Variants in MAST4 observed in about 807,000 individuals in gnomAD.
MAST4 encodes microtubule-associated serine/threonine-protein kinase 4.
Under a neutral mutation model 162.7 loss-of-function variants are expected in MAST4, and 89 were observed. The ratio of observed to expected loss-of-function variants is 0.55; its 90% CI spans 0.46 to 0.65. The LOEUF (loss-of-function observed/expected upper bound fraction) is 0.65. Ranked by LOEUF, MAST4 falls within the 30% of genes least tolerant of loss-of-function variation. The probability of loss-of-function intolerance (pLI) is 0.00; values close to 1 mark genes in which losing one functional copy is unlikely to be tolerated. For synonymous variants in MAST4, 1,479 were observed against 1,361.1 expected (o/e 1.09, Z -1.91); for missense variants, 3,153 against 3,374.0 (o/e 0.93, Z 1.62).
At chr5:66,910,456 C>T (rs567232177) in intron 4 of MAST4, among the ~76,000 whole-genome samples, 1 of 152,218 alleles carries the variant, frequency 6.6e-6, no homozygotes, top group Admixed American at 6.5e-5. Flanking sequence ...CAAGTTGGGC[C>T]CTGGTAGCTC....
intron 3 of MAST4, among the ~76,000 whole-genome samples, chr5:66,864,168 C>T (rs535299952): frequency 9.9e-5 from 15 of 151,850 alleles, no homozygotes; most frequent in Admixed American, 5.3e-4. Context: ...CATACATATA[C>T]AGTATTATGT....
At chr5:66,945,416 T>C (rs1743903538) in intron 4 of MAST4, among the ~76,000 whole-genome samples, 1 of 152,148 alleles carries the variant, frequency 6.6e-6, no homozygotes, top group Admixed American at 6.6e-5. Context: ...AAGTCCTCAG[T>C]TGGCTCCACA....
At chr5:66,640,831 T>C (rs1745446206) in intron 1 of MAST4, among the ~76,000 whole-genome samples, 1 of 152,168 alleles carries the variant, frequency 6.6e-6, no homozygotes, top group South Asian at 2.1e-4. Context: ...ATGGCTGTAC[T>C]TTACAGTCCA....
chr5:66,842,239 G>A (rs961685175), intron 3 of MAST4, among the ~76,000 whole-genome samples: 1 of 152,164 alleles, frequency 6.6e-6, no homozygotes, highest in Non-Finnish European at 1.5e-5. Context: ...CAGCATTAGA[G>A]GGCATGGTGA....
intron 1 of MAST4, among the ~76,000 whole-genome samples, chr5:66,695,307 C>T (rs193106366): frequency 1.0e-3 from 159 of 152,196 alleles, no homozygotes; most frequent in African/African-American, 1.9e-3. Context: ...TCAGGTTTGC[C>T]GAAGATCGGA....
chr5:66,622,420 C>CT (rs35612725), intron 1 of MAST4, among the ~76,000 whole-genome samples: 54,295 of 141,586 alleles, frequency 0.38, 10,676 homozygotes, highest in African/African-American at 0.47. Context: ...CCTTGTAAGG[C>CT]TTTTTTTTTT....
chr5:66,720,942 C>G (rs1307918817), intron 1 of MAST4, among the ~76,000 whole-genome samples: 1 of 152,116 alleles, frequency 6.6e-6, no homozygotes, highest in African/African-American at 2.4e-5. Flanking sequence ...CTCCCCCATC[C>G]CATTTCAGCA....
At chr5:66,752,783 C>T (rs540468140) in intron 1 of MAST4, among the ~76,000 whole-genome samples, 1 of 149,870 alleles carries the variant, frequency 6.7e-6, no homozygotes, top group East Asian at 2.0e-4. Flanking sequence ...CTCAGCTCTG[C>T]ACCAAGCGGA....
Position 66,710,526 on chromosome 5 carries a change from C to T in MAST4, c.364-49183C>T, listed in dbSNP as rs551854429. ...ACATCTTCCGTAGCCCAGGGAATTC[C>T]CTGGACTTGGCCACTAAATTCTTAT... On this transcript the variant is annotated intron_variant, in intron 1 of 28. Transcript: ENST00000403625. Among the ~76,000 whole-genome samples the T allele has an allele frequency of 6.6e-5, 10 of 152,206 alleles. No homozygotes were observed. The South Asian group carries it at 1.5e-3, about 22-fold the overall frequency.
chr5:67,055,694 A>G (rs1176360040), intron 5 of MAST4, among the ~76,000 whole-genome samples: 2 of 152,214 alleles, frequency 1.3e-5, no homozygotes, highest in African/African-American at 4.8e-5. Context: ...TTCCCAGGTA[A>G]AACCTTAGAG....
chr5:66,724,155 TTTC>T (rs1410555696), intron 1 of MAST4, among the ~76,000 whole-genome samples: 2 of 152,206 alleles, frequency 1.3e-5, no homozygotes, highest in African/African-American at 4.8e-5. Flanking sequence ...AGGTATTAAT[TTTC>T]TTCCTAGCAG....
At chr5:66,646,495 C>T (rs1161364132) in intron 1 of MAST4, among the ~76,000 whole-genome samples, 3 of 152,072 alleles carry the variant, frequency 2.0e-5, no homozygotes, top group Admixed American at 6.6e-5. Flanking sequence ...CTTGTCATTT[C>T]GGTTTATGTA....
At chr5:67,026,918 T>C (rs1275295624) in intron 4 of MAST4, among the ~76,000 whole-genome samples, 4 of 152,252 alleles carry the variant, frequency 2.6e-5, no homozygotes, top group African/African-American at 9.6e-5. Flanking sequence ...GAGAAACTCT[T>C]TGAAAAGAAA....
chr5:66,882,092 AG>A (rs1416910206), intron 3 of MAST4, among the ~76,000 whole-genome samples: 1 of 152,160 alleles, frequency 6.6e-6, no homozygotes, highest in African/African-American at 2.4e-5. Flanking sequence ...AACATTTTTC[AG>A]GTTAATGTGT....
chr5:67,015,127 G>C (rs1006761246), intron 4 of MAST4, among the ~76,000 whole-genome samples: 3 of 152,196 alleles, frequency 2.0e-5, no homozygotes, highest in African/African-American at 7.2e-5. Context: ...ATTCCAGCCA[G>C]AGTAAATATA....
At chr5:66,717,794 T>A (rs1390343936) in intron 1 of MAST4, among the ~76,000 whole-genome samples, 2 of 152,210 alleles carry the variant, frequency 1.3e-5, no homozygotes, top group Non-Finnish European at 2.9e-5. Context: ...TTTATATTTA[T>A]AAAACGTTTC....
chr5:66,832,560 T>G (rs747916479), intron 3 of MAST4, among the ~76,000 whole-genome samples: 3 of 152,192 alleles, frequency 2.0e-5, no homozygotes, highest in Non-Finnish European at 4.4e-5. Context: ...AGCAGATAGA[T>G]TCTTATGTTC....
At chr5:67,019,515 G>C (rs114477743) in intron 4 of MAST4, among the ~76,000 whole-genome samples, 1 of 152,204 alleles carries the variant, frequency 6.6e-6, no homozygotes, top group Non-Finnish European at 1.5e-5. Flanking sequence ...CAGATGGCAG[G>C]CCAATTAATA....
At chr5:66,618,858 G>A (rs948217378) in intron 1 of MAST4, among the ~76,000 whole-genome samples, 1 of 152,182 alleles carries the variant, frequency 6.6e-6, no homozygotes, top group Admixed American at 6.5e-5. Context: ...TTGAGTATGT[G>A]AAGAGAGGAA....
Sources: allele counts gnomAD v4.1 joint callset (sites outside exome capture counted in the v4.1 genomes callset), GRCh38; gene constraint gnomAD v4.1.1; transcripts MANE v1.5; gene names NCBI Gene and HGNC (gene_info 2026-07-23, HGNC 2026-07-21).